The following NFIA variants were observed in gnomAD, a reference collection of about 807,000 sequenced individuals.
NFIA encodes the protein nuclear factor 1 A-type.
A neutral mutation model predicts 62.8 loss-of-function variants in NFIA; 8 were observed. The observed-to-expected ratio is 0.13, with a 90% CI of 0.07 to 0.23. The LOEUF (loss-of-function observed/expected upper bound fraction) is 0.23. NFIA is among the 10% of genes least tolerant of loss of function. NFIA has a pLI of 1.00. For missense variants in NFIA, 410 were observed against 642.1 expected (o/e 0.64, Z 3.91); for synonymous variants, 235 against 238.1 (o/e 0.99, Z 0.12).
chr1:61,427,773 G>T (rs1294308984), intron 10 of NFIA, among the ~76,000 whole-genome samples: 1 of 152,146 alleles, frequency 6.6e-6, no homozygotes, highest in Non-Finnish European at 1.5e-5. Context: ...GTTAACTCTT[G>T]AATTTCCCAC....
chr1:61,309,364 C>T (rs1250981566), intron 3 of NFIA, among the ~76,000 whole-genome samples: 1 of 152,072 alleles, frequency 6.6e-6, no homozygotes, highest in African/African-American at 2.4e-5. Context: ...CAAAAAAGCC[C>T]CCGATCCACA....
At chr1:61,253,784 C>G (rs1466928905) in intron 2 of NFIA, among the ~76,000 whole-genome samples, 2 of 152,052 alleles carry the variant, frequency 1.3e-5, no homozygotes. Flanking sequence ...ATAAAATAAA[C>G]TCTTTTGCCT....
chr1:61,103,020 T>A (rs533687352), intron 2 of NFIA, among the ~76,000 whole-genome samples: 1 of 152,220 alleles, frequency 6.6e-6, no homozygotes. Context: ...CATGTTCTTA[T>A]TTGTAATCAA....
At chr1:61,339,929 T>C (rs954047546) in intron 4 of NFIA, among the ~76,000 whole-genome samples, 1 of 152,222 alleles carries the variant, frequency 6.6e-6, no homozygotes, top group African/African-American at 2.4e-5. Flanking sequence ...ATATGTGCCC[T>C]GGCTGTTGTC....
intron 2 of NFIA, among the ~76,000 whole-genome samples, chr1:61,147,652 GT>G (rs113390087): frequency 6.6e-5 from 10 of 151,404 alleles, no homozygotes; most frequent in South Asian, 2.1e-4. Flanking sequence ...CATTCAGGCA[GT>G]TTTTTTTTCC....
intron 2 of NFIA, among the ~76,000 whole-genome samples, chr1:61,239,616 G>A (rs1284207623): frequency 6.6e-6 from 1 of 152,100 alleles, no homozygotes; most frequent in Non-Finnish European, 1.5e-5. Context: ...GTGGCTTAAA[G>A]TTTCAAAAGA....
Position 61,430,328 on chromosome 1 carries a change from A to G in NFIA, c.1512+3772A>G, listed in dbSNP as rs1667046866. On this transcript the variant is annotated intron_variant, in intron 10 of 10. Transcript: ENST00000403491. ...TAAAAATATGACTTTTTCTTATTAT[A>G]TTCATAATACATGTTAATTGTGGAA... Among the ~76,000 whole-genome samples, 7 of 152,216 alleles carry G rather than the reference A, an allele frequency of 4.6e-5. No individual in the cohort carries two copies. The South Asian group carries it at 1.4e-3, about 31-fold the overall frequency.
chr1:61,100,396 G>A (rs1646487933), intron 2 of NFIA, among the ~76,000 whole-genome samples: 1 of 152,114 alleles, frequency 6.6e-6, no homozygotes, highest in Admixed American at 6.5e-5. Context: ...TCAGCAGATA[G>A]GTTTCCAGCA....
intron 2 of NFIA, among the ~76,000 whole-genome samples, chr1:61,237,839 A>C (rs545651827): frequency 6.6e-6 from 1 of 152,302 alleles, no homozygotes; most frequent in African/African-American, 2.4e-5. Flanking sequence ...GGGGAATATG[A>C]GACTTAATTA....
chr1:61,139,442 G>T (rs1235012959), intron 2 of NFIA, among the ~76,000 whole-genome samples: 2 of 152,158 alleles, frequency 1.3e-5, no homozygotes, highest in Non-Finnish European at 2.9e-5. Flanking sequence ...TCTTAATCCA[G>T]GTTGGTGCTA....
chr1:61,259,585 G>A (rs1156444452), intron 2 of NFIA, among the ~76,000 whole-genome samples: 1 of 152,154 alleles, frequency 6.6e-6, no homozygotes, highest in Non-Finnish European at 1.5e-5. Flanking sequence ...CCAAGAGGAA[G>A]GGAAAGGATT....
At chr1:61,104,157 A>G (rs1171699509) in intron 2 of NFIA, among the ~76,000 whole-genome samples, 10 of 152,174 alleles carry the variant, frequency 6.6e-5, no homozygotes, top group Non-Finnish European at 1.2e-4. Context: ...ATTTTTAAAG[A>G]GCACAATTTT....
chr1:61,195,992 A>G (rs1009708889), intron 2 of NFIA, among the ~76,000 whole-genome samples: 2 of 152,200 alleles, frequency 1.3e-5, no homozygotes, highest in Admixed American at 6.5e-5. Context: ...TTATTTCTCT[A>G]CAGATGAATT....
chr1:61,340,898 C>T (rs1042922151), intron 4 of NFIA, among the ~76,000 whole-genome samples: 7 of 151,980 alleles, frequency 4.6e-5, no homozygotes, highest in Non-Finnish European at 7.4e-5. Context: ...GATTCTTTTT[C>T]CTCAAATTTT....
chr1:61,109,045 T>C (rs1646651757), intron 2 of NFIA, among the ~76,000 whole-genome samples: 1 of 151,832 alleles, frequency 6.6e-6, no homozygotes, highest in South Asian at 2.1e-4. Flanking sequence ...TCTCTTACGT[T>C]TTGATTTGAA....
intron 2 of NFIA, among the ~76,000 whole-genome samples, chr1:61,123,432 AT>A (rs1453419951): frequency 6.6e-6 from 1 of 152,230 alleles, no homozygotes; most frequent in Non-Finnish European, 1.5e-5. Context: ...TAGTACTCAA[AT>A]ATAGGTGAAA....
At chr1:61,109,463 A>C (rs1320702027) in intron 2 of NFIA, among the ~76,000 whole-genome samples, 7 of 150,726 alleles carry the variant, frequency 4.6e-5, no homozygotes, top group Admixed American at 3.3e-4. Context: ...TAGGCAGAGT[A>C]ATAATATTTA....
chr1:61,321,953 G>A (rs1660701199), intron 3 of NFIA, among the ~76,000 whole-genome samples: 1 of 152,110 alleles, frequency 6.6e-6, no homozygotes, highest in South Asian at 2.1e-4. Context: ...ATTAACTGCA[G>A]GAATTGGTGA....
At chr1:61,126,761 A>AACT (rs1646978537) in intron 2 of NFIA, among the ~76,000 whole-genome samples, 2 of 147,830 alleles carry the variant, frequency 1.4e-5, no homozygotes, top group South Asian at 4.3e-4. Context: ...AATGGTCAGT[A>AACT]ACTATTGTCA....
Sources: gnomAD v4.1 joint callset for allele counts (sites outside exome capture counted in the v4.1 genomes callset) on GRCh38, gnomAD v4.1.1 for gene constraint, MANE v1.5 for transcripts, NCBI Gene and HGNC (gene_info 2026-07-23, HGNC 2026-07-21) for gene names.